The following BBS9 variants were observed in gnomAD, a reference collection of about 807,000 sequenced individuals.
BBS9 encodes protein PTHB1.
A neutral mutation model predicts 117.7 loss-of-function variants in BBS9; 89 were observed. The observed-to-expected ratio is 0.76, with a 90% CI of 0.64 to 0.90. BBS9 has a LOEUF of 0.90. Among genes scored for constraint, BBS9 ranks in the 40% least tolerant of loss-of-function variants. BBS9 has a pLI of 0.00. For synonymous variants in BBS9, 379 were observed against 370.9 expected, an observed-to-expected ratio of 1.02 and a Z score of -0.25; for missense variants, 982 against 1,042.2, an observed-to-expected ratio of 0.94 and a Z score of 0.80.
At chr7:33,456,622 A>G (rs546581132) in intron 19 of BBS9, among the ~76,000 whole-genome samples, 1 of 151,868 alleles carries the variant, frequency 6.6e-6, no homozygotes, top group African/African-American at 2.4e-5. Flanking sequence ...CTCTCCCCTA[A>G]GTATTTTTTT....
chr7:33,477,967 G>C (rs147771914), intron 19 of BBS9, among the ~76,000 whole-genome samples: 1 of 152,144 alleles, frequency 6.6e-6, no homozygotes, highest in African/African-American at 2.4e-5. Context: ...GGTTTTCAGA[G>C]AGAAATGAAA....
intron 5 of BBS9, among the ~76,000 whole-genome samples, chr7:33,240,345 C>A (rs989919867): frequency 6.6e-6 from 1 of 151,276 alleles, no homozygotes; most frequent in Non-Finnish European, 1.5e-5. Context: ...GTAGTTTTGA[C>A]GTCCTGGGCT....
At chr7:33,184,097 C>CAGAGAG (rs35333434) in intron 5 of BBS9, among the ~76,000 whole-genome samples, 4,075 of 149,522 alleles carry the variant, frequency 0.027, 146 homozygotes, top group East Asian at 0.22. Context: ...AGTTTGCACA[C>CAGAGAG]AGAGAGAGAG....
chr7:33,222,914 C>T (rs558559801), intron 5 of BBS9, among the ~76,000 whole-genome samples: 2 of 150,676 alleles, frequency 1.3e-5, no homozygotes, highest in African/African-American at 4.9e-5. Flanking sequence ...GATCACGCCA[C>T]TGTACTCCAG....
chr7:33,418,404 T>G (rs899903722), intron 19 of BBS9, among the ~76,000 whole-genome samples: 1 of 152,156 alleles, frequency 6.6e-6, no homozygotes, highest in Non-Finnish European at 1.5e-5. Flanking sequence ...GTGTGGCCAG[T>G]GTTTGGCAGG....
chr7:33,550,626 C>A (rs887918497), intron 21 of BBS9, among the ~76,000 whole-genome samples: 2 of 151,872 alleles, frequency 1.3e-5, no homozygotes, highest in Non-Finnish European at 1.5e-5. Context: ...ATCTATGCTG[C>A]CAACCTTTAA....
chr7:33,530,406 G>A (rs191957217), intron 20 of BBS9, among the ~76,000 whole-genome samples: 1 of 152,300 alleles, frequency 6.6e-6, no homozygotes, highest in East Asian at 1.9e-4. Flanking sequence ...ATATGTTACT[G>A]TAATCTATTT....
chr7:33,158,887 C>T (rs1239310826), intron 4 of BBS9, among the ~76,000 whole-genome samples: 1 of 128,146 alleles, frequency 7.8e-6, no homozygotes, highest in Non-Finnish European at 1.8e-5. Context: ...AGCACAGCCA[C>T]ATGGTAAAAG....
At chr7:33,414,092 C>T (rs1490062677) in intron 19 of BBS9, among the ~76,000 whole-genome samples, 1 of 151,996 alleles carries the variant, frequency 6.6e-6, no homozygotes, top group African/African-American at 2.4e-5. Flanking sequence ...GAAGAAGAAC[C>T]CAGCTTCCCA....
intron 5 of BBS9, among the ~76,000 whole-genome samples, chr7:33,219,615 T>A (rs1181567991): frequency 6.6e-6 from 1 of 152,120 alleles, no homozygotes; most frequent in Non-Finnish European, 1.5e-5. Flanking sequence ...GGTGGGGCCT[T>A]GGAGAACCTT....
intron 21 of BBS9, among the ~76,000 whole-genome samples, chr7:33,601,156 C>T (rs1251904006): frequency 6.6e-6 from 1 of 152,158 alleles, no homozygotes; most frequent in Non-Finnish European, 1.5e-5. Context: ...AGTTACTGTA[C>T]TGAAAATGCA....
intron 1 of BBS9, among the ~76,000 whole-genome samples, chr7:33,142,070 G>T (rs1791560830): frequency 6.6e-6 from 1 of 151,992 alleles, no homozygotes; most frequent in Non-Finnish European, 1.5e-5. Context: ...CGAGTAACTG[G>T]GACTACCCGC....
chr7:33,236,047 G>A (rs763972575), intron 5 of BBS9, among the ~76,000 whole-genome samples: 2 of 151,964 alleles, frequency 1.3e-5, no homozygotes, highest in Non-Finnish European at 2.9e-5. Flanking sequence ...AGAATACAAG[G>A]TCGGGCATGG....
At chr7:33,341,042 G>T in intron 11 of BBS9, 69 bp downstream of exon 11, 1 of 1,376,318 alleles carries the variant, frequency 7.3e-7, no homozygotes. Context: ...GGACCAAAAT[G>T]CATTGGTTTA....
intron 17 of BBS9, among the ~76,000 whole-genome samples, chr7:33,378,167 T>G (rs976106259): frequency 6.6e-6 from 1 of 152,232 alleles, no homozygotes; most frequent in African/African-American, 2.4e-5. Flanking sequence ...TTTGTCTTTA[T>G]CACAGCACCT....
chr7:33,292,375 G>C (rs1000688591), intron 9 of BBS9, among the ~76,000 whole-genome samples: 16 of 152,036 alleles, frequency 1.1e-4, no homozygotes, highest in Admixed American at 5.9e-4. Flanking sequence ...CCATAGGTGT[G>C]TGCCACCACA....
chr7:33,209,842 T>A (rs943619158), intron 5 of BBS9, among the ~76,000 whole-genome samples: 2 of 152,138 alleles, frequency 1.3e-5, no homozygotes, highest in African/African-American at 4.8e-5. Flanking sequence ...AAAAACCAAC[T>A]TTTTGTGTCA....
intron 20 of BBS9, among the ~76,000 whole-genome samples, chr7:33,520,991 CTT>C (rs1233162017): frequency 6.6e-6 from 1 of 151,546 alleles, no homozygotes; most frequent in Non-Finnish European, 1.5e-5. Context: ...ATTTACCAGT[CTT>C]TATTTTTTTT....
chr7:33,493,554 A>G (rs1844314503), intron 19 of BBS9, among the ~76,000 whole-genome samples: 1 of 152,214 alleles, frequency 6.6e-6, no homozygotes, highest in Non-Finnish European at 1.5e-5. Flanking sequence ...ACATTTATTA[A>G]ATAAACATTT....
Sources: allele counts gnomAD v4.1 joint callset (sites outside exome capture counted in the v4.1 genomes callset), GRCh38; gene constraint gnomAD v4.1.1; transcripts MANE v1.5; gene names NCBI Gene and HGNC (gene_info 2026-07-23, HGNC 2026-07-21).